Variants in PHLPP1 observed in about 807,000 individuals in gnomAD.
The protein encoded by PHLPP1 is PH domain leucine-rich repeat-containing protein phosphatase 1.
In PHLPP1, 42 loss-of-function variants were observed where a neutral mutation model predicts 117.2. That is an observed-to-expected ratio of 0.36 (90% CI 0.28 to 0.46). The LOEUF is 0.46. PHLPP1 is among the 20% of genes least tolerant of loss of function. The pLI is 1.00. For synonymous variants in PHLPP1, 1,042 were observed against 970.7 expected (o/e 1.07, Z -1.37); for missense variants, 2,084 against 2,241.9 (o/e 0.93, Z 1.42).
chr18:62,796,063 T>C (rs1291939464), intron 1 of PHLPP1, among the ~76,000 whole-genome samples: 1 of 152,248 alleles, frequency 6.6e-6, no homozygotes, highest in Admixed American at 6.5e-5. Flanking sequence ...ACTTTACTTG[T>C]TAGTTTCCTG....
intron 3 of PHLPP1, among the ~76,000 whole-genome samples, chr18:62,845,473 C>A (rs1442989445): frequency 6.6e-6 from 1 of 152,112 alleles, no homozygotes; most frequent in Non-Finnish European, 1.5e-5. Context: ...TGGTGAATCA[C>A]AATTGAACTT....
intron 4 of PHLPP1, among the ~76,000 whole-genome samples, chr18:62,892,870 C>A (rs1366046634): frequency 7.3e-5 from 10 of 136,334 alleles, no homozygotes; most frequent in African/African-American, 1.1e-4. Context: ...AGCAAGACTC[C>A]ATCTCAAAAA....
At chr18:62,961,791 A>G (rs549250657) in intron 13 of PHLPP1, among the ~76,000 whole-genome samples, 1 of 152,298 alleles carries the variant, frequency 6.6e-6, no homozygotes, top group African/African-American at 2.4e-5. Flanking sequence ...GGGATTTTCT[A>G]TTGACACTAT....
At chr18:62,901,585 A>G (rs1331599977) in intron 6 of PHLPP1, among the ~76,000 whole-genome samples, 1 of 151,364 alleles carries the variant, frequency 6.6e-6, no homozygotes, top group East Asian at 1.9e-4. Flanking sequence ...GAGAAACTCT[A>G]GCTTTTTCCT....
intron 12 of PHLPP1, among the ~76,000 whole-genome samples, chr18:62,953,808 C>G (rs1418988287): frequency 2.6e-5 from 4 of 152,178 alleles, no homozygotes; most frequent in African/African-American, 9.7e-5. Context: ...ATTTTTGGAA[C>G]TGACTGTGCC....
intron 10 of PHLPP1, among the ~76,000 whole-genome samples, chr18:62,937,584 C>T (rs1455868772): frequency 6.6e-6 from 1 of 152,064 alleles, no homozygotes; most frequent in African/African-American, 2.4e-5. Context: ...TGATGAAATC[C>T]GAGTTTTATT....
chr18:62,756,020 A>T (rs1372188817), intron 1 of PHLPP1, among the ~76,000 whole-genome samples: 1 of 140,810 alleles, frequency 7.1e-6, no homozygotes, highest in Non-Finnish European at 1.5e-5. Context: ...GAGAACACAG[A>T]TTAATGATTT....
chr18:62,732,801 T>C (rs1005980278), intron 1 of PHLPP1, among the ~76,000 whole-genome samples: 2 of 152,198 alleles, frequency 1.3e-5, no homozygotes, highest in African/African-American at 4.8e-5. Context: ...GAAGTTGATT[T>C]ATGGATGATA....
intron 1 of PHLPP1, among the ~76,000 whole-genome samples, chr18:62,809,362 C>T (rs1914046715): frequency 6.6e-6 from 1 of 152,120 alleles, no homozygotes; most frequent in Non-Finnish European, 1.5e-5. Context: ...TATCTCATCC[C>T]ATCCAAAGTT....
In PHLPP1 at chr18:62,979,726, T is replaced by G. The variant is rs986541629; in HGVS notation, c.*295T>G. ...GTTTAATATATTACAGAGAAACAGT[T>G]AATGATAATGTAATATTTTTTAAAA... On this transcript the variant is annotated 3_prime_UTR_variant, in exon 17 of 17. Transcript: ENST00000262719. 11 of 320,626 alleles carry G rather than the reference T, an allele frequency of 3.4e-5. No homozygotes were observed. The highest frequency in any genetic ancestry group is 5.7e-5 in the Non-Finnish European group (10 of 176,346). The allele number at this position is 320,626 out of a possible 1,614,324, so 19.9% of individuals were successfully genotyped here. A position where few individuals can be genotyped will look rare whatever the true frequency, so the allele number is the denominator to read the frequency against.
rs182462648 is a variant in PHLPP1, at chr18:62,888,114, T to C, written c.2067-6897T>C. 9.2e-5 allele frequency among the ~76,000 whole-genome samples: 14 copies of C among 152,288 alleles called. No individual in the cohort carries two copies. The South Asian group carries it at 2.3e-3, about 25-fold the overall frequency. Reference sequence around the variant, plus strand: ...TATGATTATAAACCGACCACTGTAGTTAGTACAATCATCATTAAAATATTT... The same window carrying C: ...TATGATTATAAACCGACCACTGTAGCTAGTACAATCATCATTAAAATATTT... On this transcript the variant is annotated intron_variant, in intron 4 of 16. Transcript: ENST00000262719.
chr18:62,843,773 A>G (rs1300132825), intron 3 of PHLPP1, among the ~76,000 whole-genome samples: 1 of 152,188 alleles, frequency 6.6e-6, no homozygotes, highest in African/African-American at 2.4e-5. Context: ...CATGTTTTCA[A>G]AGTGGTTAGA....
intron 1 of PHLPP1, among the ~76,000 whole-genome samples, chr18:62,814,210 T>C (rs1334373573): frequency 1.3e-5 from 2 of 152,226 alleles, no homozygotes; most frequent in Non-Finnish European, 2.9e-5. Flanking sequence ...CAAGATTTAC[T>C]GGGCAGTTGA....
chr18:62,732,466 C>T (rs1437722612), intron 1 of PHLPP1, among the ~76,000 whole-genome samples: 1 of 152,138 alleles, frequency 6.6e-6, no homozygotes, highest in East Asian at 1.9e-4. Flanking sequence ...AGAAAAGATT[C>T]CTTTCAAAAT....
chr18:62,971,808 T>C (rs1911055928), intron 14 of PHLPP1, among the ~76,000 whole-genome samples: 1 of 152,146 alleles, frequency 6.6e-6, no homozygotes, highest in South Asian at 2.1e-4. Context: ...AGGCTGAGGC[T>C]GGCAGATTGC....
At chr18:62,938,155 G>A (rs763148192) in intron 10 of PHLPP1, among the ~76,000 whole-genome samples, 1 of 152,168 alleles carries the variant, frequency 6.6e-6, no homozygotes, top group Non-Finnish European at 1.5e-5. Context: ...TTATATGGAT[G>A]AAGCATGAAA....
At chr18:62,888,036 A>T (rs1187878592) in intron 4 of PHLPP1, among the ~76,000 whole-genome samples, 1 of 152,188 alleles carries the variant, frequency 6.6e-6, no homozygotes, top group East Asian at 1.9e-4. Flanking sequence ...GATGTTTTTT[A>T]AAAGCCACAG....
intron 1 of PHLPP1, among the ~76,000 whole-genome samples, chr18:62,747,893 A>G (rs148640902): frequency 1.1e-3 from 171 of 152,272 alleles, no homozygotes; most frequent in African/African-American, 3.9e-3. Context: ...GAATTTGTAA[A>G]TTCAGATTTT....
chr18:62,960,763 CT>C (rs1298005558), intron 13 of PHLPP1, among the ~76,000 whole-genome samples: 2 of 152,158 alleles, frequency 1.3e-5, no homozygotes. Flanking sequence ...ACGTATCAAG[CT>C]TTTTAAAATA....
Sources: allele counts gnomAD v4.1 joint callset (sites outside exome capture counted in the v4.1 genomes callset), GRCh38; gene constraint gnomAD v4.1.1; transcripts MANE v1.5; gene names NCBI Gene and HGNC (gene_info 2026-07-23, HGNC 2026-07-21).